Variants in SPOCK3 observed in about 807,000 individuals in gnomAD.
The protein encoded by SPOCK3 is SPARC (osteonectin), cwcv and kazal like domains proteoglycan 3, also known as testican-3.
Under a neutral mutation model 56.6 loss-of-function variants are expected in SPOCK3, and 30 were observed. That is an observed-to-expected ratio of 0.53 (90% CI 0.40 to 0.72). The LOEUF is 0.72. Ranked by LOEUF, SPOCK3 falls within the 30% of genes least tolerant of loss-of-function variation. SPOCK3 has a pLI of 0.00. For missense variants in SPOCK3, 527 were observed against 530.0 expected, an observed-to-expected ratio of 0.99 and a Z score of 0.06; for synonymous variants, 196 against 183.3, an observed-to-expected ratio of 1.07 and a Z score of -0.56.
intron 7 of SPOCK3, among the ~76,000 whole-genome samples, chr4:166,754,965 A>C (rs1736884120): frequency 6.6e-6 from 1 of 151,928 alleles, no homozygotes; most frequent in Non-Finnish European, 1.5e-5. Context: ...CTAATTAGTC[A>C]TTCATTCAAT....
At chr4:166,851,488 G>A (rs1730080325) in intron 6 of SPOCK3, among the ~76,000 whole-genome samples, 1 of 152,240 alleles carries the variant, frequency 6.6e-6, no homozygotes, top group African/African-American at 2.4e-5. Flanking sequence ...GACGAGCTGA[G>A]AGAAGAAGGC....
At chr4:167,011,222 C>G (rs1162405390) in intron 3 of SPOCK3, 2 of 447,090 alleles carry the variant, frequency 4.5e-6, no homozygotes, top group South Asian at 3.2e-5. Context: ...AAAAGCTTAC[C>G]TGGCAAGTAC....
At chr4:166,795,661 TTAA>T (rs1741853467) in intron 6 of SPOCK3, among the ~76,000 whole-genome samples, 1 of 150,932 alleles carries the variant, frequency 6.6e-6, no homozygotes, top group African/African-American at 2.5e-5. Flanking sequence ...AATTTAAATA[TTAA>T]TAAAGTTGAT....
chr4:167,223,314 T>A (rs1051809848), intron 2 of SPOCK3, among the ~76,000 whole-genome samples: 16 of 144,878 alleles, frequency 1.1e-4, no homozygotes, highest in African/African-American at 3.8e-4. Context: ...ATATGAATAA[T>A]CATATATAAG....
intron 6 of SPOCK3, among the ~76,000 whole-genome samples, chr4:166,844,920 T>C (rs556426222): frequency 2.6e-5 from 4 of 152,362 alleles, no homozygotes; most frequent in African/African-American, 9.6e-5. Context: ...CTTAGTGATA[T>C]CTGGTTCTAA....
intron 4 of SPOCK3, among the ~76,000 whole-genome samples, chr4:166,964,660 G>T (rs1744499907): frequency 6.6e-6 from 1 of 151,466 alleles, no homozygotes; most frequent in South Asian, 2.1e-4. Context: ...ATGAGGAGAT[G>T]GAGGGAAGGC....
chr4:167,209,362 A>G (rs531166318), intron 2 of SPOCK3, among the ~76,000 whole-genome samples: 72 of 152,284 alleles, frequency 4.7e-4, no homozygotes, highest in African/African-American at 1.7e-3. Flanking sequence ...ATTTTTCACT[A>G]GTACTAGAAT....
intron 4 of SPOCK3, among the ~76,000 whole-genome samples, chr4:166,962,993 C>T (rs1260960654): frequency 6.6e-6 from 1 of 152,052 alleles, no homozygotes; most frequent in Non-Finnish European, 1.5e-5. Flanking sequence ...AAATGCCATT[C>T]CTTTTGTCAT....
intron 2 of SPOCK3, among the ~76,000 whole-genome samples, chr4:167,199,694 AAATAAT>A (rs200479070): frequency 0.056 from 7,944 of 141,568 alleles, 378 homozygotes; most frequent in African/African-American, 0.13. Context: ...TGTGTGAAAT[AAATAAT>A]AATAATAATA....
intron 3 of SPOCK3, among the ~76,000 whole-genome samples, chr4:167,050,284 T>A (rs1754077582): frequency 6.6e-6 from 1 of 152,186 alleles, no homozygotes; most frequent in Admixed American, 6.6e-5. Context: ...TGAATTATTT[T>A]GATAAGCCAT....
intron 4 of SPOCK3, among the ~76,000 whole-genome samples, chr4:166,936,529 AT>A (rs1345101177): frequency 6.6e-6 from 1 of 152,010 alleles, no homozygotes; most frequent in Non-Finnish European, 1.5e-5. Flanking sequence ...AGCCCTTAGG[AT>A]TTTTTTAATG....
At chr4:166,983,004 AATTGTACAACTAT>A (rs1746757605) in intron 4 of SPOCK3, among the ~76,000 whole-genome samples, 1 of 151,874 alleles carries the variant, frequency 6.6e-6, no homozygotes, top group Non-Finnish European at 1.5e-5. Context: ...AGTAAGGAAG[AATTGTACAACTAT>A]ATTGTACAAC....
At chr4:167,144,741 A>T (rs1012819394) in intron 2 of SPOCK3, among the ~76,000 whole-genome samples, 1 of 146,022 alleles carries the variant, frequency 6.8e-6, no homozygotes, top group African/African-American at 2.5e-5. Flanking sequence ...AAAAAACCTT[A>T]GGGAAAAGGA....
At chr4:167,044,157 T>G (rs10008546) in intron 3 of SPOCK3, among the ~76,000 whole-genome samples, 68,098 of 151,778 alleles carry the variant, frequency 0.45, 16,244 homozygotes, top group African/African-American at 0.6. Context: ...ATTTCTTCTT[T>G]TTCAGGTTTT....
chr4:166,840,728 G>A (rs536361559), intron 6 of SPOCK3, among the ~76,000 whole-genome samples: 59 of 147,716 alleles, frequency 4.0e-4, no homozygotes, highest in Non-Finnish European at 7.6e-4. Context: ...TTAAGAGAAG[G>A]AATAGGAAAA....
At chr4:166,894,368 G>T (rs1160318617) in intron 5 of SPOCK3, among the ~76,000 whole-genome samples, 1 of 152,054 alleles carries the variant, frequency 6.6e-6, no homozygotes, top group African/African-American at 2.4e-5. Flanking sequence ...CTTTGCAAGG[G>T]TAACACTAGA....
Position 166,742,047 on chromosome 4 carries a change from T to A in SPOCK3, c.944A>T (p.Gln315Leu). 3 of 1,612,486 alleles carry A rather than the reference T, an allele frequency of 1.9e-6. No homozygotes were observed. The Admixed American group carries it at 5.0e-5, about 27-fold the overall frequency. The change falls in exon 9 of 11, where the codon CAG becomes CTG. Residue 315 changes from glutamine to leucine, a missense_variant. By Grantham distance (113) the Gln-to-Leu change is moderately radical (BLOSUM62 -2). Transcript: ENST00000357545. ...CFQRQQDPPC[Q>L]TELSNIQKRQ... is the part of the protein sequence containing the mutation. Reference sequence around the variant, plus strand: ...CTTCTGAATATTGCTGAGCTCAGTCTGGCAAGGTGGGTCTGCAATGACATT... The same window carrying A: ...CTTCTGAATATTGCTGAGCTCAGTCAGGCAAGGTGGGTCTGCAATGACATT...
At chr4:167,116,831 GTATATATATACTTT>G (rs1451159142) in intron 2 of SPOCK3, among the ~76,000 whole-genome samples, 2 of 127,554 alleles carry the variant, frequency 1.6e-5, no homozygotes, top group African/African-American at 2.9e-5. Flanking sequence ...ATATATAAAA[GTATATATATACTTT>G]TATATATATA....
chr4:167,182,952 T>C (rs545910454), intron 2 of SPOCK3, among the ~76,000 whole-genome samples: 22 of 152,296 alleles, frequency 1.4e-4, no homozygotes, highest in African/African-American at 5.3e-4. Flanking sequence ...TGCCTATCCC[T>C]TAACTTTGCA....
Sources: gnomAD v4.1 joint callset for allele counts (sites outside exome capture counted in the v4.1 genomes callset) on GRCh38, gnomAD v4.1.1 for gene constraint, MANE v1.5 for transcripts, NCBI Gene and HGNC (gene_info 2026-07-23, HGNC 2026-07-21) for gene names.